Variants in SLC25A33 observed in about 807,000 individuals in gnomAD.
The protein encoded by SLC25A33 is solute carrier family 25 member 33, also known as bone marrow stromal cell mitochondrial carrier protein.
In SLC25A33, 15 loss-of-function variants were observed where a neutral mutation model predicts 35.5. The ratio of observed to expected loss-of-function variants is 0.42; its 90% CI spans 0.28 to 0.65. The LOEUF (loss-of-function observed/expected upper bound fraction) is 0.65, where lower values mean the gene tolerates loss of function less well. Among genes scored for constraint, SLC25A33 ranks in the 30% least tolerant of loss-of-function variants. The pLI, the probability that SLC25A33 is intolerant of heterozygous loss-of-function variation, is 0.20. For missense variants in SLC25A33, 257 were observed against 398.5 expected (o/e 0.64, Z 3.02); for synonymous variants, 136 against 148.7 (o/e 0.91, Z 0.62).
chr1:9,552,628 G>T (rs1350951933), intron 1 of SLC25A33, among the ~76,000 whole-genome samples: 1 of 152,162 alleles, frequency 6.6e-6, no homozygotes, highest in Non-Finnish European at 1.5e-5. Flanking sequence ...TTGTTTGAAT[G>T]TGCAGAAATA....
At position 9,582,815 on chromosome 1, in the gene SLC25A33, G is replaced by T. The variant is rs1227760394; in HGVS notation, c.*314G>T. 3.7e-6 allele frequency: 1 copy of T among 270,156 alleles called. No homozygotes were observed. The highest frequency in any genetic ancestry group is 5.0e-5 in the Admixed American group (1 of 19,880). 16.7% of individuals were successfully genotyped at this position (270,156 alleles called of 1,614,324 possible). ...TCTTTTATGCTCACTATACTATGAAGGACTTAAGTAATTCAGATAAACCTG... is the reference window on the plus strand; with the variant it reads ...TCTTTTATGCTCACTATACTATGAATGACTTAAGTAATTCAGATAAACCTG... On this transcript the variant is annotated 3_prime_UTR_variant, in exon 7 of 7. Coordinates refer to ENST00000302692, the MANE Select transcript of SLC25A33 (RefSeq NM_032315.3). The surrounding 1 kb of genome is among the most constrained non-coding windows in gnomAD (Gnocchi z 4.0).
chr1:9,567,381 G>C lies in SLC25A33; in HGVS notation c.314+20G>C, dbSNP rs948571426. ...ATCAAGGTAAGCATTAAACTTTCCA[G>C]CTAGCTCATGCTAAGCAGTATGGAA... On this transcript the variant is annotated intron_variant, in intron 3 of 6. Transcript: ENST00000302692. 6 of 1,606,678 alleles carry C rather than the reference G, an allele frequency of 3.7e-6. No individual in the cohort carries two copies. In the East Asian group the frequency reaches 8.9e-5, roughly 24 times the overall value.
intron 5 of SLC25A33, among the ~76,000 whole-genome samples, chr1:9,579,565 T>TC (rs1304103754): frequency 1.3e-5 from 2 of 151,948 alleles, no homozygotes; most frequent in East Asian, 1.9e-4. Context: ...TTTCATACCC[T>TC]CCCCGGGGGC....
intron 6 of SLC25A33, among the ~76,000 whole-genome samples, chr1:9,581,903 A>G (rs1203391285): frequency 6.6e-6 from 1 of 152,052 alleles, no homozygotes; most frequent in Admixed American, 6.6e-5. Flanking sequence ...ACACAGTTGT[A>G]ACCTTGACAA....
chr1:9,582,421 A>C lies in SLC25A33; in HGVS notation c.886A>C (p.Ile296Leu), dbSNP rs371947667. The change falls in exon 7 of 7, where the codon ATC (isoleucine) becomes CTC (leucine). Residue 296 changes from isoleucine (I) to leucine (L), a missense_variant. By Grantham distance (5) the Ile-to-Leu change is conservative. Transcript: ENST00000302692. This position sits in a 1 kb window ranked among gnomAD's most constrained non-coding sequence, Gnocchi z 4.0. ...TTATAGAGGACTGTTTGCCCAGCTTATCCGGCAGATCCCAAATACTGCCAT... is the reference window on the plus strand; with the variant it reads ...TTATAGAGGACTGTTTGCCCAGCTTCTCCGGCAGATCCCAAATACTGCCAT... ...AFYRGLFAQL[I>L]RQIPNTAIVL... The C allele has an allele frequency of 6.2e-7, 1 of 1,613,898 alleles. No individual in the cohort carries two copies. Among genetic ancestry groups the C allele is most frequent in the African/African-American group, 1.3e-5 (1 of 74,938 alleles).
intron 5 of SLC25A33, 33 bp from the exon 6 acceptor site, chr1:9,579,921 C>T: frequency 1.3e-6 from 2 of 1,594,440 alleles, no homozygotes; most frequent in Non-Finnish European, 1.7e-6. Context: ...TGATATGTCT[C>T]CTTAACAGCC....
At position 9,563,085 on chromosome 1, in the gene SLC25A33, G is replaced by GT. The variant is rs552730294; in HGVS notation, c.237-4191dup. 2.2e-4 allele frequency among the ~76,000 whole-genome samples: 33 copies of GT among 151,160 alleles called. No homozygotes were observed. The East Asian group carries it at 5.3e-3, about 24-fold the overall frequency. ...AGGCGCCCACTACCACGCCTGGCTA[G>GT]TTTTTTTTGTTTGTATTTTTAGTAG... On this transcript the variant is annotated intron_variant, in intron 2 of 6. Coordinates refer to ENST00000302692, the MANE Select transcript of SLC25A33 (RefSeq NM_032315.3).
At chr1:9,539,834 G>C (rs1030386322) in intron 1 of SLC25A33, 87 bp downstream of exon 1, 1 of 1,183,654 alleles carries the variant, frequency 8.4e-7, no homozygotes, top group African/African-American at 1.6e-5. Context: ...CTCCCGCGGC[G>C]GTTACCGGCC....
At chr1:9,545,191 T>A (rs780874932) in intron 1 of SLC25A33, among the ~76,000 whole-genome samples, 6 of 151,970 alleles carry the variant, frequency 3.9e-5, no homozygotes, top group Non-Finnish European at 8.8e-5. Flanking sequence ...AGGGGAGTTT[T>A]TTTGTTTTTG....
chr1:9,562,422 A>G (rs548365593), intron 2 of SLC25A33, among the ~76,000 whole-genome samples: 4 of 152,078 alleles, frequency 2.6e-5, no homozygotes, highest in Non-Finnish European at 4.4e-5. Flanking sequence ...AGGCTGAGGC[A>G]GCAGAATTGC....
At chr1:9,560,737 TGA>T (rs1363416066) in intron 2 of SLC25A33, among the ~76,000 whole-genome samples, 1 of 151,464 alleles carries the variant, frequency 6.6e-6, no homozygotes, top group Non-Finnish European at 1.5e-5. Context: ...AATTCTCTAT[TGA>T]AGAACCTATC....
intron 5 of SLC25A33, among the ~76,000 whole-genome samples, chr1:9,573,994 T>TG (rs1643626969): frequency 6.6e-6 from 1 of 152,018 alleles, no homozygotes. Flanking sequence ...TTGTTGTTGT[T>TG]TTGTTTTTTT....
intron 2 of SLC25A33, among the ~76,000 whole-genome samples, chr1:9,564,739 A>AAAATATATATATATATATATATAT (rs60174872): frequency 5.2e-5 from 5 of 96,576 alleles, no homozygotes; most frequent in Non-Finnish European, 1.0e-4. Flanking sequence ...AAAAAAAAAA[A>AAAATATATATATATATATATATAT]ATATATATAT....
intron 1 of SLC25A33, among the ~76,000 whole-genome samples, chr1:9,550,027 T>A (rs1337214827): frequency 6.2e-5 from 7 of 112,924 alleles, no homozygotes; most frequent in African/African-American, 2.6e-4. Context: ...TTTTTTTTTT[T>A]TTTTTTTTTT....
At chr1:9,569,528 G>A (rs1643559944) in intron 3 of SLC25A33, among the ~76,000 whole-genome samples, 1 of 152,162 alleles carries the variant, frequency 6.6e-6, no homozygotes, top group South Asian at 2.1e-4. Flanking sequence ...CCCATTAGGG[G>A]AAATGGAAGA....
intron 1 of SLC25A33, among the ~76,000 whole-genome samples, chr1:9,547,699 C>T (rs1262671554): frequency 1.3e-5 from 2 of 152,028 alleles, no homozygotes. Context: ...GAGTAACCCC[C>T]CTCCCCCATT....
intron 6 of SLC25A33, among the ~76,000 whole-genome samples, chr1:9,581,992 C>T (rs955789064): frequency 1.4e-4 from 21 of 152,042 alleles, no homozygotes; most frequent in African/African-American, 4.8e-4. Context: ...GGCACGATCC[C>T]GACTCATTGC....
intron 6 of SLC25A33, among the ~76,000 whole-genome samples, chr1:9,580,660 A>G (rs1366935313): frequency 6.6e-6 from 1 of 152,082 alleles, no homozygotes; most frequent in Non-Finnish European, 1.5e-5. Context: ...GATTGAGACC[A>G]GCCTGGCCAA....
At chr1:9,580,871 T>C (rs755284854) in intron 6 of SLC25A33, among the ~76,000 whole-genome samples, 1 of 109,082 alleles carries the variant, frequency 9.2e-6, no homozygotes, top group Admixed American at 8.2e-5. Flanking sequence ...AAAAAAATAA[T>C]AATAATAATA....
Sources: allele counts gnomAD v4.1 joint callset (sites outside exome capture counted in the v4.1 genomes callset), GRCh38; gene constraint gnomAD v4.1.1; non-coding constraint Gnocchi (gnomAD v3.1); transcripts MANE v1.5; gene names NCBI Gene and HGNC (gene_info 2026-07-23, HGNC 2026-07-21).